STAG1: variants seen among roughly 807,000 people sequenced by gnomAD.
STAG1 encodes cohesin subunit SA-1.
Under a neutral mutation model 170.9 loss-of-function variants are expected in STAG1, and 26 were observed. That is an observed-to-expected ratio of 0.15 (90% CI 0.11 to 0.21). The LOEUF (loss-of-function observed/expected upper bound fraction) is 0.21, where lower values mean the gene tolerates loss of function less well. STAG1 is among the 10% of genes least tolerant of loss of function. The pLI is 1.00. For synonymous variants in STAG1, 514 were observed against 497.7 expected, an observed-to-expected ratio of 1.03 and a Z score of -0.44; for missense variants, 964 against 1,509.5, an observed-to-expected ratio of 0.64 and a Z score of 5.99.
At chr3:136,714,939 A>ATT (rs1491240137) in intron 1 of STAG1, among the ~76,000 whole-genome samples, 1 of 53,452 alleles carries the variant, frequency 1.9e-5, no homozygotes, top group Non-Finnish European at 3.1e-5. Context: ...TATATATTAA[A>ATT]TATATATATA....
chr3:136,415,009 A>G (rs985085839), intron 21 of STAG1, among the ~76,000 whole-genome samples: 3 of 152,200 alleles, frequency 2.0e-5, no homozygotes, highest in Admixed American at 2.0e-4. Flanking sequence ...GGTACAGTTC[A>G]TGGTGCCCCA....
intron 6 of STAG1, among the ~76,000 whole-genome samples, chr3:136,528,921 C>T (rs1029626340): frequency 5.3e-5 from 8 of 151,670 alleles, no homozygotes; most frequent in Non-Finnish European, 1.5e-5. Flanking sequence ...CAAAGCAAGA[C>T]CCTGACTGAA....
chr3:136,374,950 G>C (rs1937522109), intron 23 of STAG1, among the ~76,000 whole-genome samples: 2 of 151,922 alleles, frequency 1.3e-5, no homozygotes, highest in African/African-American at 4.8e-5. Flanking sequence ...TTTTAGATAT[G>C]TTTAGATATA....
At chr3:136,734,770 A>G (rs774528020) in intron 1 of STAG1, among the ~76,000 whole-genome samples, 3 of 152,200 alleles carry the variant, frequency 2.0e-5, no homozygotes, top group African/African-American at 4.8e-5. Context: ...AAGAACCTAC[A>G]TATTTATCAA....
intron 15 of STAG1, among the ~76,000 whole-genome samples, chr3:136,436,548 C>T (rs978306206): frequency 1.3e-5 from 2 of 152,118 alleles, no homozygotes; most frequent in Non-Finnish European, 2.9e-5. Context: ...TCCCAAAGTG[C>T]TAGATTACAG....
chr3:136,649,296 C>T (rs1228354217), intron 1 of STAG1, among the ~76,000 whole-genome samples: 1 of 151,664 alleles, frequency 6.6e-6, no homozygotes, highest in African/African-American at 2.4e-5. Context: ...CTGGCCAACA[C>T]AGCAAAACCC....
chr3:136,349,879 C>T (rs551242455), intron 28 of STAG1, among the ~76,000 whole-genome samples: 40 of 152,278 alleles, frequency 2.6e-4, no homozygotes, highest in African/African-American at 9.6e-4. Flanking sequence ...TCTGGCCAGG[C>T]ACCGTGGCTC....
intron 1 of STAG1, among the ~76,000 whole-genome samples, chr3:136,666,208 A>C (rs923565470): frequency 6.6e-6 from 1 of 151,898 alleles, no homozygotes; most frequent in Non-Finnish European, 1.5e-5. Context: ...ACAAGCACTT[A>C]GAAATCAATT....
intron 15 of STAG1, among the ~76,000 whole-genome samples, chr3:136,441,182 G>A (rs1041390378): frequency 6.6e-5 from 10 of 152,070 alleles, no homozygotes; most frequent in South Asian, 2.1e-4. Flanking sequence ...ACAAGTGCCC[G>A]CCACCAAACC....
intron 29 of STAG1, among the ~76,000 whole-genome samples, chr3:136,345,025 T>C (rs1400420628): frequency 6.6e-6 from 1 of 152,220 alleles, no homozygotes; most frequent in African/African-American, 2.4e-5. Context: ...AAATTATCTC[T>C]GTAAAACTTA....
chr3:136,393,647 G>A (rs953486846), intron 22 of STAG1, among the ~76,000 whole-genome samples: 1 of 144,174 alleles, frequency 6.9e-6, no homozygotes, highest in African/African-American at 2.6e-5. Flanking sequence ...AGGCTGGAGT[G>A]CACTGGTGTA....
At chr3:136,684,454 G>C (rs1354160456) in intron 1 of STAG1, among the ~76,000 whole-genome samples, 13 of 152,126 alleles carry the variant, frequency 8.5e-5, no homozygotes, top group Non-Finnish European at 1.2e-4. Flanking sequence ...AAAAAACAGT[G>C]CTGGACCCAA....
At chr3:136,702,480 G>A (rs534448169) in intron 1 of STAG1, among the ~76,000 whole-genome samples, 274 of 152,046 alleles carry the variant, frequency 1.8e-3, no homozygotes, top group Admixed American at 4.8e-3. Context: ...TCCGCCTCCC[G>A]GGTTCAAGTG....
At chr3:136,437,120 G>T (rs2088482853) in intron 15 of STAG1, among the ~76,000 whole-genome samples, 1 of 152,202 alleles carries the variant, frequency 6.6e-6, no homozygotes, top group Non-Finnish European at 1.5e-5. Context: ...AGAAAACACA[G>T]TCTTACGGAA....
At chr3:136,516,154 G>A (rs1934363537) in intron 7 of STAG1, among the ~76,000 whole-genome samples, 1 of 152,088 alleles carries the variant, frequency 6.6e-6, no homozygotes, top group Non-Finnish European at 1.5e-5. Flanking sequence ...AATCTGTGTG[G>A]TTAAAAATTA....
chr3:136,706,850 G>C lies in STAG1; in HGVS notation c.-84+45345C>G, dbSNP rs184415505. 3.3e-5 allele frequency among the ~76,000 whole-genome samples: 5 copies of C among 152,220 alleles called. No individual in the cohort carries two copies. In the East Asian group the frequency reaches 9.6e-4, roughly 29 times the overall value. On this transcript the variant is annotated intron_variant, in intron 1 of 33. Coordinates refer to ENST00000383202, the MANE Select transcript of STAG1 (RefSeq NM_005862.3). ...AGGGAGTCAAAACAGTGTGGTATTC[G>C]CATAAGGACAGAAATATAGACCAAT... is the stretch of plus-strand genomic sequence containing the variant.
chr3:136,666,450 G>GT (rs1199219296), intron 1 of STAG1, among the ~76,000 whole-genome samples: 2 of 152,172 alleles, frequency 1.3e-5, no homozygotes, highest in Non-Finnish European at 2.9e-5. Context: ...ACTCAGAACT[G>GT]TAACACTAGT....
chr3:136,713,269 G>A (rs1576798348), intron 1 of STAG1, among the ~76,000 whole-genome samples: 1 of 152,060 alleles, frequency 6.6e-6, no homozygotes, highest in East Asian at 1.9e-4. Context: ...ACAATGCTGA[G>A]CCAAGGAAGC....
At chr3:136,659,032 C>T (rs902192333) in intron 1 of STAG1, among the ~76,000 whole-genome samples, 5 of 152,092 alleles carry the variant, frequency 3.3e-5, no homozygotes, top group African/African-American at 1.2e-4. Flanking sequence ...AAAATTTTGA[C>T]GCTATTCCTG....
Sources: allele counts gnomAD v4.1 joint callset (sites outside exome capture counted in the v4.1 genomes callset), GRCh38; gene constraint gnomAD v4.1.1; transcripts MANE v1.5; gene names NCBI Gene and HGNC (gene_info 2026-07-23, HGNC 2026-07-21).